The following PTPRT variants were observed in gnomAD, a reference collection of about 807,000 sequenced individuals.
The protein encoded by PTPRT is receptor-type tyrosine-protein phosphatase T.
A neutral mutation model predicts 176.8 loss-of-function variants in PTPRT; 56 were observed. That is an observed-to-expected ratio of 0.32 (90% CI 0.26 to 0.40). The LOEUF (loss-of-function observed/expected upper bound fraction) is 0.40, where lower values mean the gene tolerates loss of function less well. Among genes scored for constraint, PTPRT ranks in the 10% least tolerant of loss-of-function variants. The probability of loss-of-function intolerance (pLI) is 1.00; values close to 1 mark genes in which losing one functional copy is unlikely to be tolerated. For missense variants in PTPRT, 1,540 were observed against 1,908.2 expected (o/e 0.81, Z 3.60); for synonymous variants, 783 against 739.0 (o/e 1.06, Z -0.96).
intron 7 of PTPRT, among the ~76,000 whole-genome samples, chr20:42,604,469 G>A (rs1425346363): frequency 6.6e-6 from 1 of 152,148 alleles, no homozygotes; most frequent in Non-Finnish European, 1.5e-5. Context: ...AAAGAAGAGA[G>A]TCCATAATAT....
intron 7 of PTPRT, among the ~76,000 whole-genome samples, chr20:42,635,317 C>A (rs895504484): frequency 2.6e-5 from 4 of 151,916 alleles, no homozygotes; most frequent in African/African-American, 7.3e-5. Flanking sequence ...GCAAAGAGAA[C>A]TCCAGTATCA....
intron 7 of PTPRT, among the ~76,000 whole-genome samples, chr20:42,574,645 G>A (rs1424044682): frequency 1.3e-5 from 2 of 152,146 alleles, no homozygotes; most frequent in African/African-American, 4.8e-5. Flanking sequence ...TGGACAGAAA[G>A]GCTTCTAGGG....
intron 27 of PTPRT, 45 bp from the exon 28 acceptor site, chr20:42,085,898 G>T (rs757035068): frequency 6.4e-7 from 1 of 1,553,434 alleles, no homozygotes; most frequent in Admixed American, 1.8e-5. Context: ...AAGGCAGGGG[G>T]CGGGTATCAA....
intron 14 of PTPRT, among the ~76,000 whole-genome samples, chr20:42,246,506 C>T (rs923692044): frequency 6.6e-6 from 1 of 152,120 alleles, no homozygotes; most frequent in African/African-American, 2.4e-5. Flanking sequence ...TTTTGATAGA[C>T]ATGAGAGTTG....
At chr20:42,645,059 A>G (rs2074858013) in intron 7 of PTPRT, among the ~76,000 whole-genome samples, 1 of 152,140 alleles carries the variant, frequency 6.6e-6, no homozygotes, top group African/African-American at 2.4e-5. Flanking sequence ...TCTCCTTCAC[A>G]GTGCAATTTG....
the PTPRT span, among the ~76,000 whole-genome samples, chr20:42,061,235 T>A: frequency 3.9e-5 from 6 of 152,130 alleles, no homozygotes; most frequent in African/African-American, 1.4e-4. Context: ...CACATGTCCT[T>A]CATCTTGTGA....
Position 42,387,936 on chromosome 20 carries a change from C to T in PTPRT, c.1561-35651G>A, listed in dbSNP as rs562164724. On this transcript the variant is annotated intron_variant, in intron 9 of 30. Coordinates refer to ENST00000373187, the MANE Select transcript of PTPRT (RefSeq NM_007050.6). ...CCTCCTGAGTGGCTGGGATTGCAGG[C>T]GCCCACCACTAAGTCCAGCTATTTT... 4.4e-3 allele frequency among the ~76,000 whole-genome samples: 668 copies of T among 152,080 alleles called. 7 individuals are homozygous for T. The highest frequency in any genetic ancestry group is 7.6e-3 in the Non-Finnish European group (515 of 67,982).
intron 2 of PTPRT, among the ~76,000 whole-genome samples, chr20:42,797,933 T>C (rs2145574651): frequency 6.6e-6 from 1 of 152,314 alleles, no homozygotes; most frequent in African/African-American, 2.4e-5. Context: ...CAGAAAAGAA[T>C]GCAGCCCTGA....
chr20:42,372,883 C>T (rs922278508), intron 9 of PTPRT, among the ~76,000 whole-genome samples: 2 of 152,188 alleles, frequency 1.3e-5, no homozygotes, highest in African/African-American at 4.8e-5. Flanking sequence ...TTGGACCTCC[C>T]AGCCTCCAGA....
chr20:42,648,540 G>A (rs1461868358), intron 7 of PTPRT, among the ~76,000 whole-genome samples: 3 of 152,040 alleles, frequency 2.0e-5, no homozygotes, highest in Non-Finnish European at 4.4e-5. Flanking sequence ...GTTGCCCTAG[G>A]CCCCCGAATG....
intron 6 of PTPRT, among the ~76,000 whole-genome samples, chr20:42,699,624 CT>C (rs911448468): frequency 6.6e-6 from 1 of 152,144 alleles, no homozygotes; most frequent in Admixed American, 6.5e-5. Flanking sequence ...ACAGGAAAGA[CT>C]TTAGTGTGGG....
At chr20:42,230,623 C>T (rs6030074) in intron 15 of PTPRT, among the ~76,000 whole-genome samples, 147,765 of 152,232 alleles carry the variant, frequency 0.97, 71,918 homozygotes, top group African/African-American at 0.99. Context: ...ACTCTACATA[C>T]ACACTCTCTC....
At chr20:43,172,357 C>T (rs1028289924) in intron 1 of PTPRT, among the ~76,000 whole-genome samples, 2 of 152,196 alleles carry the variant, frequency 1.3e-5, no homozygotes, top group Admixed American at 1.3e-4. Context: ...AAATACAAAT[C>T]GTATATGCAA....
At chr20:42,543,314 A>G (rs2072616255) in intron 7 of PTPRT, among the ~76,000 whole-genome samples, 1 of 152,150 alleles carries the variant, frequency 6.6e-6, no homozygotes, top group African/African-American at 2.4e-5. Flanking sequence ...CTTTGTTGTC[A>G]TTTTACCAGT....
intron 9 of PTPRT, among the ~76,000 whole-genome samples, chr20:42,409,442 A>T (rs1418481478): frequency 1.5e-5 from 2 of 135,924 alleles, no homozygotes; most frequent in Non-Finnish European, 3.1e-5. Flanking sequence ...AGATCGTGCC[A>T]CTGTACTCCA....
chr20:42,952,745 C>T (rs1280468538), intron 1 of PTPRT, among the ~76,000 whole-genome samples: 1 of 152,118 alleles, frequency 6.6e-6, no homozygotes, highest in African/African-American at 2.4e-5. Context: ...CCATTTGGTC[C>T]ACATGACAAT....
intron 9 of PTPRT, among the ~76,000 whole-genome samples, chr20:42,378,720 T>C (rs2058672138): frequency 6.6e-6 from 1 of 152,320 alleles, no homozygotes; most frequent in African/African-American, 2.4e-5. Flanking sequence ...TGAATATTGA[T>C]TCCTCCAGTT....
intron 22 of PTPRT, 44 bp from the exon 23 acceptor site, chr20:42,110,531 C>A (rs2146293134): frequency 6.5e-7 from 1 of 1,546,608 alleles, no homozygotes; most frequent in Non-Finnish European, 8.8e-7. Context: ...GCTGCCCTCG[C>A]ATACCCAGCC....
At chr20:42,733,526 T>A (rs577031638) in intron 6 of PTPRT, among the ~76,000 whole-genome samples, 16 of 152,306 alleles carry the variant, frequency 1.1e-4, no homozygotes, top group Admixed American at 7.2e-4. Flanking sequence ...ACATAGGCCC[T>A]GGGTCTTTTG....
Sources: allele counts gnomAD v4.1 joint callset (sites outside exome capture counted in the v4.1 genomes callset), GRCh38; gene constraint gnomAD v4.1.1; transcripts MANE v1.5; gene names NCBI Gene and HGNC (gene_info 2026-07-23, HGNC 2026-07-21).